ANKS1B: variants seen among roughly 807,000 people sequenced by gnomAD.
ANKS1B encodes the protein ankyrin repeat and sterile alpha motif domain containing 1B.
ANKS1B carries 36 observed loss-of-function variants against 148.3 expected under a neutral mutation model. That is an observed-to-expected ratio of 0.24 (90% CI 0.19 to 0.32). ANKS1B has a LOEUF of 0.32. ANKS1B is among the 10% of genes least tolerant of loss of function. ANKS1B has a pLI of 1.00. For missense variants in ANKS1B, 1,157 were observed against 1,542.6 expected, an observed-to-expected ratio of 0.75 and a Z score of 4.19; for synonymous variants, 542 against 560.8, an observed-to-expected ratio of 0.97 and a Z score of 0.47.
intron 14 of ANKS1B, among the ~76,000 whole-genome samples, chr12:99,183,257 C>A (rs1934534758): frequency 6.6e-6 from 1 of 152,210 alleles, no homozygotes; most frequent in Admixed American, 6.5e-5. Flanking sequence ...AGAAACTACA[C>A]TGTAGGGAAT....
chr12:99,931,269 C>T lies in ANKS1B; in HGVS notation c.134+52835G>A, dbSNP rs147726570. Reference sequence around the variant, plus strand: ...TGATGAGTTAATGGTTGCAGCACACCAACGTGGCACATGTATACATATGTA... The same window carrying T: ...TGATGAGTTAATGGTTGCAGCACACTAACGTGGCACATGTATACATATGTA... On this transcript the variant is annotated intron_variant, in intron 1 of 26. Transcript: ENST00000683438. Among the ~76,000 whole-genome samples the T allele has an allele frequency of 1.6e-3, 243 of 152,024 alleles. 2 individuals are homozygous for T. The highest frequency in any genetic ancestry group is 2.6e-3 in the Non-Finnish European group (176 of 67,986).
At chr12:99,554,216 A>G (rs181697472) in intron 9 of ANKS1B, among the ~76,000 whole-genome samples, 125 of 152,314 alleles carry the variant, frequency 8.2e-4, no homozygotes, top group Non-Finnish European at 1.2e-3. Flanking sequence ...ACTCTTAAAG[A>G]AGAAAAGTAA....
chr12:99,184,478 T>A (rs903513898), intron 14 of ANKS1B, among the ~76,000 whole-genome samples: 2 of 152,186 alleles, frequency 1.3e-5, no homozygotes, highest in Non-Finnish European at 2.9e-5. Context: ...CCCCTAGACC[T>A]AGAGTTAGAG....
chr12:99,055,559 G>A (rs774386107), intron 16 of ANKS1B, among the ~76,000 whole-genome samples: 1 of 146,880 alleles, frequency 6.8e-6, no homozygotes, highest in African/African-American at 2.5e-5. Flanking sequence ...TTGATGGTCG[G>A]TGGTGGCCAA....
At chr12:99,006,516 G>A (rs1205942436) in intron 17 of ANKS1B, among the ~76,000 whole-genome samples, 1 of 152,136 alleles carries the variant, frequency 6.6e-6, no homozygotes, top group Non-Finnish European at 1.5e-5. Context: ...TGTGCTAGGT[G>A]CAATGCCAAG....
intron 12 of ANKS1B, among the ~76,000 whole-genome samples, chr12:99,342,298 GAGTA>G (rs1458471962): frequency 1.3e-5 from 2 of 152,044 alleles, no homozygotes; most frequent in African/African-American, 2.4e-5. Context: ...CCTGTAAGAT[GAGTA>G]AGTATCAGCT....
chr12:98,759,935 G>T (rs1032922301), intron 25 of ANKS1B, among the ~76,000 whole-genome samples: 1 of 152,008 alleles, frequency 6.6e-6, no homozygotes, highest in African/African-American at 2.4e-5. Context: ...AGCCGAGGTC[G>T]CACCACTGCA....
At chr12:99,061,877 C>A (rs1377203813) in intron 16 of ANKS1B, among the ~76,000 whole-genome samples, 1 of 152,124 alleles carries the variant, frequency 6.6e-6, no homozygotes, top group Non-Finnish European at 1.5e-5. Context: ...GTTGGCATTT[C>A]TCTGTCAATC....
In ANKS1B at chr12:98,745,272, T is replaced by C. The variant is rs898310419; in HGVS notation, c.*467A>G. On this transcript the variant is annotated 3_prime_UTR_variant, in exon 27 of 27. Coordinates refer to ENST00000683438, the MANE Select transcript of ANKS1B (RefSeq NM_001352186.2). Reference sequence around the variant, plus strand: ...ACGATACTCAATGATAGAATGATTTTACAGATGCTTTGGAGGTGGGAGGGG... The same window carrying C: ...ACGATACTCAATGATAGAATGATTTCACAGATGCTTTGGAGGTGGGAGGGG... The C allele has an allele frequency of 6.1e-6, 6 of 985,744 alleles. No individual in the cohort carries two copies. Among genetic ancestry groups the C allele is most frequent in the African/African-American group, 1.7e-5 (1 of 57,214 alleles). 61.1% of individuals were successfully genotyped at this position (985,744 alleles called of 1,614,324 possible).
At chr12:99,504,353 T>C (rs2096685637) in intron 10 of ANKS1B, 123 bp downstream of exon 10, 14 of 976,942 alleles carry the variant, frequency 1.4e-5, no homozygotes, top group Non-Finnish European at 2.1e-5. Context: ...AAATAATTAT[T>C]GGAACTACAT....
intron 8 of ANKS1B, among the ~76,000 whole-genome samples, chr12:99,720,455 T>G (rs1332699250): frequency 6.6e-6 from 1 of 152,144 alleles, no homozygotes; most frequent in Non-Finnish European, 1.5e-5. Flanking sequence ...CCTTTATTAG[T>G]CAAATCAGCC....
chr12:99,595,257 T>C (rs777134286), intron 9 of ANKS1B, among the ~76,000 whole-genome samples: 37 of 151,952 alleles, frequency 2.4e-4, no homozygotes, highest in Non-Finnish European at 4.6e-4. Flanking sequence ...AAACCTATAA[T>C]GTTATGGTTA....
intron 17 of ANKS1B, among the ~76,000 whole-genome samples, chr12:99,002,143 T>C (rs566401455): frequency 3.2e-4 from 49 of 152,360 alleles, no homozygotes; most frequent in Non-Finnish European, 6.9e-4. Context: ...GATACTTATT[T>C]ACTTTCCTTT....
rs141395533 is a variant in ANKS1B, at chr12:99,838,132, C to T, written c.135-12743G>A. On this transcript the variant is annotated intron_variant, in intron 1 of 26. Transcript: ENST00000683438. ...TTCTCTTTTACAGCTGTATAGTATC[C>T]CATTGTGTATGTGCATATCACATTT... Among the ~76,000 whole-genome samples, 658 of 152,254 alleles carry T rather than the reference C, an allele frequency of 4.3e-3. 12 individuals are homozygous for T. Among genetic ancestry groups the T allele is most frequent in the African/African-American group, 0.015 (642 of 41,558 alleles).
chr12:99,150,169 G>A (rs1364648214), intron 15 of ANKS1B, among the ~76,000 whole-genome samples: 1 of 152,136 alleles, frequency 6.6e-6, no homozygotes, highest in Non-Finnish European at 1.5e-5. Flanking sequence ...AAATGAGACT[G>A]GAGGTCCACC....
rs1302954251 is a variant in ANKS1B, at chr12:99,752,831, G to A, written c.1128+20091C>T. Among the ~76,000 whole-genome samples, 36 of 151,804 alleles carry A rather than the reference G, an allele frequency of 2.4e-4. 1 individual carries two copies. Among genetic ancestry groups the A allele is most frequent in the Non-Finnish European group, 7.4e-5 (5 of 67,914 alleles). ...GTTTATTGAGTAGTTACTATTTGTA[G>A]GACACTATGTGAATTGCTTAGCTTT... On this transcript the variant is annotated intron_variant, in intron 8 of 26. Coordinates refer to ENST00000683438, the MANE Select transcript of ANKS1B (RefSeq NM_001352186.2).
intron 17 of ANKS1B, among the ~76,000 whole-genome samples, chr12:98,913,493 G>T (rs1156403799): frequency 6.6e-6 from 1 of 152,162 alleles, no homozygotes; most frequent in Non-Finnish European, 1.5e-5. Context: ...TCCCCTTGGG[G>T]ATCTTGTACA....
intron 15 of ANKS1B, chr12:99,099,662 C>G (rs1164040172): frequency 1.3e-5 from 2 of 152,192 alleles, no homozygotes; most frequent in African/African-American, 4.8e-5. Context: ...AAAATATAAA[C>G]TGGGGAATTT....
chr12:99,649,364 G>C, intron 9 of ANKS1B: 1 of 1,614,008 alleles, frequency 6.2e-7, no homozygotes, highest in South Asian at 1.1e-5. Flanking sequence ...GAAATGTTTG[G>C]GTCCACCTAT....
Sources: allele counts gnomAD v4.1 joint callset (sites outside exome capture counted in the v4.1 genomes callset), GRCh38; gene constraint gnomAD v4.1.1; transcripts MANE v1.5; gene names NCBI Gene and HGNC (gene_info 2026-07-23, HGNC 2026-07-21).